Variants in CCDC3 observed in about 807,000 individuals in gnomAD.
CCDC3 encodes coiled-coil domain containing 3.
A neutral mutation model predicts 21.4 loss-of-function variants in CCDC3; 24 were observed. The ratio of observed to expected loss-of-function variants is 1.12; its 90% CI spans 0.81 to 1.58. CCDC3 has a LOEUF of 1.58. Ranked by LOEUF, CCDC3 falls within the 40% of genes most tolerant of loss-of-function variation. The pLI is 0.00. For missense variants in CCDC3, 425 were observed against 360.9 expected, an observed-to-expected ratio of 1.18 and a Z score of -1.44; for synonymous variants, 186 against 166.0, an observed-to-expected ratio of 1.12 and a Z score of -0.93.
chr10:13,023,798 G>A (rs1312864836), intron 5 of CCDC3, among the ~76,000 whole-genome samples: 1 of 152,160 alleles, frequency 6.6e-6, no homozygotes, highest in East Asian at 1.9e-4. Flanking sequence ...CAATCCAGGT[G>A]CAGAAGGGGT....
chr10:13,013,557 A>G (rs1308050489), intron 5 of CCDC3, among the ~76,000 whole-genome samples: 1 of 152,234 alleles, frequency 6.6e-6, no homozygotes, highest in African/African-American at 2.4e-5. Flanking sequence ...TATTTATCAC[A>G]AAGAGAAAAA....
intron 4 of CCDC3, among the ~76,000 whole-genome samples, chr10:13,059,239 G>A (rs915690612): frequency 1.3e-5 from 2 of 152,192 alleles, no homozygotes; most frequent in African/African-American, 4.8e-5. Context: ...AGCCACCTAT[G>A]GAAGATGGCA....
chr10:13,026,467 G>C (rs1836217648), intron 5 of CCDC3, among the ~76,000 whole-genome samples: 1 of 152,058 alleles, frequency 6.6e-6, no homozygotes, highest in South Asian at 2.1e-4. Context: ...TTGTTTCTTG[G>C]CTTCATTTTT....
At chr10:12,953,687 C>T (rs1045504005) in intron 2 of CCDC3, among the ~76,000 whole-genome samples, 6 of 152,210 alleles carry the variant, frequency 3.9e-5, no homozygotes, top group Admixed American at 3.3e-4. Context: ...CCCTGTGGAG[C>T]TGTGACTTCA....
At chr10:13,023,816 G>A (rs1836182234) in intron 5 of CCDC3, among the ~76,000 whole-genome samples, 6 of 152,088 alleles carry the variant, frequency 3.9e-5, no homozygotes. Flanking sequence ...GGTCTCTTGG[G>A]TGCAACGCCT....
intron 2 of CCDC3, among the ~76,000 whole-genome samples, chr10:12,977,993 G>A (rs1005181579): frequency 5.3e-5 from 8 of 151,880 alleles, no homozygotes; most frequent in African/African-American, 1.7e-4. Flanking sequence ...TGTATCGCTT[G>A]GGAAAGAAAA....
At chr10:12,914,349 C>CTAAT (rs893291961) in intron 2 of CCDC3, among the ~76,000 whole-genome samples, 36 of 152,228 alleles carry the variant, frequency 2.4e-4, no homozygotes, top group Non-Finnish European at 4.6e-4. Context: ...TGTAAGTTAT[C>CTAAT]TAATTTGTTG....
chr10:13,091,919 C>T (rs990109162), intron 3 of CCDC3, among the ~76,000 whole-genome samples: 1 of 151,844 alleles, frequency 6.6e-6, no homozygotes, highest in African/African-American at 2.4e-5. Flanking sequence ...ATCCTAAATG[C>T]CAGAGGCTCT....
intron 2 of CCDC3, among the ~76,000 whole-genome samples, chr10:12,910,504 C>T (rs755359828): frequency 9.4e-5 from 14 of 149,602 alleles, no homozygotes; most frequent in Non-Finnish European, 1.0e-4. Context: ...CACAATGATA[C>T]GTGTTTCTGC....
intron 2 of CCDC3, among the ~76,000 whole-genome samples, chr10:12,928,740 A>C (rs1168284359): frequency 1.3e-5 from 2 of 152,150 alleles, no homozygotes; most frequent in Non-Finnish European, 2.9e-5. Flanking sequence ...GTGGAGTGTG[A>C]AGTATCTGTT....
intron 2 of CCDC3, among the ~76,000 whole-genome samples, chr10:12,935,737 C>T (rs1834726801): frequency 6.6e-6 from 1 of 151,226 alleles, no homozygotes; most frequent in East Asian, 1.9e-4. Flanking sequence ...GTGATCTCGG[C>T]TCACTGCAAG....
chr10:13,041,204 C>T (rs993965773), intron 5 of CCDC3, among the ~76,000 whole-genome samples: 10 of 152,106 alleles, frequency 6.6e-5, no homozygotes, highest in Non-Finnish European at 1.0e-4. Context: ...TTCATCTGGG[C>T]CCTTTGAGGT....
chr10:12,976,534 C>T (rs1020717148), intron 2 of CCDC3, among the ~76,000 whole-genome samples: 3 of 152,212 alleles, frequency 2.0e-5, no homozygotes, highest in Non-Finnish European at 4.4e-5. Flanking sequence ...AATCCACAGC[C>T]ACAAGGGAAG....
intron 5 of CCDC3, among the ~76,000 whole-genome samples, chr10:13,009,739 C>T (rs1292925383): frequency 6.6e-6 from 1 of 152,158 alleles, no homozygotes; most frequent in East Asian, 1.9e-4. Flanking sequence ...CAGCCCATAC[C>T]TATCACTGTA....
chr10:12,899,966 T>C (rs1310343582), intron 2 of CCDC3, among the ~76,000 whole-genome samples: 2 of 152,190 alleles, frequency 1.3e-5, no homozygotes. Context: ...TGGGAAGTAA[T>C]GAAATCATGA....
intron 4 of CCDC3, among the ~76,000 whole-genome samples, chr10:13,067,562 C>T (rs924700609): frequency 2.6e-5 from 4 of 152,136 alleles, no homozygotes; most frequent in Non-Finnish European, 4.4e-5. Context: ...AACCTTGCTG[C>T]GGGCCTCCAT....
intron 4 of CCDC3, among the ~76,000 whole-genome samples, chr10:13,062,372 T>C (rs1037506806): frequency 6.6e-6 from 1 of 152,202 alleles, no homozygotes; most frequent in African/African-American, 2.4e-5. Flanking sequence ...TAAGATGCCA[T>C]GGGATGCTTT....
At chr10:12,990,263 CA>C (rs61700228) in intron 2 of CCDC3, among the ~76,000 whole-genome samples, 1,189 of 99,748 alleles carry the variant, frequency 0.012, 11 homozygotes, top group African/African-American at 0.03. Flanking sequence ...CCGTCTCAAC[CA>C]AAAAAAAAAA....
intron 2 of CCDC3, among the ~76,000 whole-genome samples, chr10:12,926,550 A>G (rs1487093470): frequency 6.6e-6 from 1 of 152,182 alleles, no homozygotes; most frequent in Admixed American, 6.5e-5. Context: ...CTGTTGTTCT[A>G]TTGGGCAGGA....
Sources: allele counts gnomAD v4.1 joint callset (sites outside exome capture counted in the v4.1 genomes callset), GRCh38; gene constraint gnomAD v4.1.1; transcripts MANE v1.5; gene names NCBI Gene and HGNC (gene_info 2026-07-23, HGNC 2026-07-21).